CLSTN2: variants seen among roughly 807,000 people sequenced by gnomAD.
CLSTN2 encodes calsyntenin-2.
Under a neutral mutation model 101.2 loss-of-function variants are expected in CLSTN2, and 48 were observed. That is an observed-to-expected ratio of 0.47 (90% CI 0.38 to 0.60). CLSTN2 has a LOEUF of 0.60. Ranked by LOEUF, CLSTN2 falls within the 20% of genes least tolerant of loss-of-function variation. The pLI, the probability that CLSTN2 is intolerant of heterozygous loss-of-function variation, is 0.00. For synonymous variants in CLSTN2, 481 were observed against 463.6 expected, an observed-to-expected ratio of 1.04 and a Z score of -0.48; for missense variants, 1,160 against 1,238.2, an observed-to-expected ratio of 0.94 and a Z score of 0.95.
chr3:140,053,487 C>G lies in CLSTN2; in HGVS notation c.109+118004C>G, dbSNP rs144268221. Among the ~76,000 whole-genome samples the G allele has an allele frequency of 2.6e-5, 4 of 152,306 alleles. No individual in the cohort carries two copies. The East Asian group carries it at 7.7e-4, about 29-fold the overall frequency. On this transcript the variant is annotated intron_variant, in intron 1 of 16. Transcript: ENST00000458420. The stretch of plus-strand genomic sequence containing the variant: ...ATTGGGCACGATTAACAAAAGTGTA[C>G]AGCAGCTGCAAAGGCACCAGATGCA...
chr3:139,994,560 A>G (rs1375125874), intron 1 of CLSTN2, among the ~76,000 whole-genome samples: 1 of 151,962 alleles, frequency 6.6e-6, no homozygotes, highest in African/African-American at 2.4e-5. Context: ...TCCCCCTACT[A>G]CTCTGCCCTC....
chr3:140,057,054 T>A lies in CLSTN2; in HGVS notation c.110-118897T>A, dbSNP rs899599454. Among the ~76,000 whole-genome samples, 8 of 152,218 alleles carry A rather than the reference T, an allele frequency of 5.3e-5. No individual in the cohort carries two copies. In the East Asian group the frequency reaches 5.8e-4, roughly 11 times the overall value. ...CACCCTGCAGCTTCAATAGGGATTT[T>A]CCCTGGACATACTGGCTGCTCTTCT... On this transcript the variant is annotated intron_variant, in intron 1 of 16. Coordinates refer to ENST00000458420, the MANE Select transcript of CLSTN2 (RefSeq NM_022131.3).
At chr3:140,541,740 C>T (rs755685456) in intron 9 of CLSTN2, among the ~76,000 whole-genome samples, 1 of 152,154 alleles carries the variant, frequency 6.6e-6, no homozygotes, top group Non-Finnish European at 1.5e-5. Context: ...TCGCCCCTTC[C>T]CTGCCACAGT....
chr3:139,964,661 G>A (rs1207713094), intron 1 of CLSTN2, among the ~76,000 whole-genome samples: 2 of 152,148 alleles, frequency 1.3e-5, no homozygotes, highest in Non-Finnish European at 2.9e-5. Context: ...ATGCCTTCTG[G>A]AGGGAGTGAG....
chr3:139,975,441 T>C (rs541652145), intron 1 of CLSTN2, among the ~76,000 whole-genome samples: 3 of 152,294 alleles, frequency 2.0e-5, no homozygotes, highest in Admixed American at 2.0e-4. Flanking sequence ...TTGTTGAGTG[T>C]TAATGAATGA....
chr3:140,404,877 C>A, intron 4 of CLSTN2, 111 bp downstream of exon 4: 2 of 898,354 alleles, frequency 2.2e-6, no homozygotes, highest in Non-Finnish European at 3.5e-6. Context: ...CCTTTCTTGC[C>A]ATGTTTGGTC....
chr3:140,492,674 G>T (rs1005232085), intron 8 of CLSTN2, among the ~76,000 whole-genome samples: 2 of 152,142 alleles, frequency 1.3e-5, no homozygotes, highest in Non-Finnish European at 2.9e-5. Flanking sequence ...GGTAACCTTG[G>T]TTTACATTCT....
chr3:140,285,551 G>A (rs1239841260), intron 2 of CLSTN2, among the ~76,000 whole-genome samples: 1 of 152,164 alleles, frequency 6.6e-6, no homozygotes, highest in Non-Finnish European at 1.5e-5. Flanking sequence ...AGCAACAGGT[G>A]TCACTAGAAC....
intron 2 of CLSTN2, among the ~76,000 whole-genome samples, chr3:140,358,660 A>G (rs114584801): frequency 6.4e-4 from 97 of 152,224 alleles, no homozygotes; most frequent in African/African-American, 2.0e-3. Context: ...TCTAGTTCTC[A>G]ATACTGGCAA....
At chr3:140,109,085 C>T (rs1560097262) in intron 1 of CLSTN2, among the ~76,000 whole-genome samples, 1 of 152,168 alleles carries the variant, frequency 6.6e-6, no homozygotes, top group Non-Finnish European at 1.5e-5. Flanking sequence ...AACCTAGGCA[C>T]TGTGGTTCAT....
intron 8 of CLSTN2, among the ~76,000 whole-genome samples, chr3:140,519,330 A>G (rs956754663): frequency 2.6e-5 from 4 of 152,228 alleles, no homozygotes; most frequent in African/African-American, 9.7e-5. Flanking sequence ...GTAGATAGCT[A>G]TTAGGTCCAC....
At chr3:140,134,955 T>C (rs1031091033) in intron 1 of CLSTN2, among the ~76,000 whole-genome samples, 6 of 151,644 alleles carry the variant, frequency 4.0e-5, no homozygotes, top group African/African-American at 1.5e-4. Flanking sequence ...TTTTAGAATA[T>C]AGAGCACATG....
intron 1 of CLSTN2, among the ~76,000 whole-genome samples, chr3:140,038,472 T>C (rs2007701216): frequency 1.3e-5 from 2 of 152,158 alleles, no homozygotes; most frequent in South Asian, 2.1e-4. Context: ...ATTGTAAAAA[T>C]GTTCTTCCAT....
intron 5 of CLSTN2, among the ~76,000 whole-genome samples, chr3:140,425,360 G>T (rs2088555376): frequency 6.6e-6 from 1 of 152,196 alleles, no homozygotes; most frequent in Non-Finnish European, 1.5e-5. Flanking sequence ...TATCACAATT[G>T]CCCCTTCCAT....
intron 4 of CLSTN2, among the ~76,000 whole-genome samples, chr3:140,416,006 A>G (rs1447506162): frequency 1.3e-5 from 2 of 152,212 alleles, no homozygotes; most frequent in African/African-American, 4.8e-5. Flanking sequence ...ACAAACATAC[A>G]ATGGAATATT....
intron 2 of CLSTN2, among the ~76,000 whole-genome samples, chr3:140,194,850 T>C (rs2010622042): frequency 6.6e-6 from 1 of 152,132 alleles, no homozygotes; most frequent in South Asian, 2.1e-4. Flanking sequence ...AAATGAGCAA[T>C]GGTGAAAGTC....
intron 2 of CLSTN2, among the ~76,000 whole-genome samples, chr3:140,257,560 GGGTGTGTGTGTGTGTGTGTGTGTGT>G: frequency 8.8e-6 from 1 of 114,268 alleles, no homozygotes; most frequent in Middle Eastern, 3.9e-3. Context: ...TTCTTTCTAG[GGGTGTGTGTGTGTGTGTGTGTGTGT>G]GTGTGTGTGT....
Position 140,403,815 on chromosome 3 carries a change from A to T in CLSTN2, c.419A>T (p.Lys140Met). Reference sequence around the variant, plus strand: ...GGGCCCCACGAGACAGCCTGGAAAAAGTCACACAAGTGAGTGGCCTGACAG... The same window carrying T: ...GGGCCCCACGAGACAGCCTGGAAAATGTCACACAAGTGAGTGGCCTGACAG... Reference protein sequence around the residue: ...GAGPHETAWKKSHKAVVHIQV... With the variant: ...GAGPHETAWKMSHKAVVHIQV... Residue 140 changes from lysine (K) to methionine (M), a missense_variant, in exon 3 of 17, where the codon AAG becomes ATG. By Grantham distance (95) the Lys-to-Met change is moderately conservative. Transcript: ENST00000458420. The T allele has an allele frequency of 6.2e-7, 1 of 1,609,554 alleles. No homozygotes were observed. The highest frequency in any genetic ancestry group is 8.5e-7 in the Non-Finnish European group (1 of 1,177,170).
chr3:140,022,505 C>T (rs1407885955), intron 1 of CLSTN2, among the ~76,000 whole-genome samples: 2 of 152,208 alleles, frequency 1.3e-5, no homozygotes, highest in Admixed American at 6.5e-5. Flanking sequence ...GAGGCCCAGA[C>T]AGCACAAATG....
Sources: allele counts gnomAD v4.1 joint callset (sites outside exome capture counted in the v4.1 genomes callset), GRCh38; gene constraint gnomAD v4.1.1; transcripts MANE v1.5; gene names NCBI Gene and HGNC (gene_info 2026-07-23, HGNC 2026-07-21).